DNAJC6: variants seen among roughly 807,000 people sequenced by gnomAD.
DNAJC6 encodes auxilin.
In DNAJC6, 34 loss-of-function variants were observed where a neutral mutation model predicts 110.0. That is an observed-to-expected ratio of 0.31 (90% CI 0.24 to 0.41). The LOEUF (loss-of-function observed/expected upper bound fraction) is 0.41, where lower values mean the gene tolerates loss of function less well. Among genes scored for constraint, DNAJC6 ranks in the 10% least tolerant of loss-of-function variants. DNAJC6 has a pLI of 1.00. For synonymous variants in DNAJC6, 406 were observed against 437.2 expected (o/e 0.93, Z 0.89); for missense variants, 1,031 against 1,207.8 (o/e 0.85, Z 2.17).
chr1:65,383,943 A>G (rs1174741084), intron 5 of DNAJC6: 3 of 343,958 alleles, frequency 8.7e-6, no homozygotes, highest in African/African-American at 2.1e-5. Flanking sequence ...TTCACCAAAT[A>G]TATACAAATC....
intron 4 of DNAJC6, 123 bp downstream of exon 4, chr1:65,366,319 C>G: frequency 9.8e-7 from 1 of 1,019,786 alleles, no homozygotes; most frequent in Non-Finnish European, 1.4e-6. Flanking sequence ...ACTCTGGACA[C>G]TTCTGTTCAC....
intron 12 of DNAJC6, among the ~76,000 whole-genome samples, chr1:65,393,843 GA>G (rs1197744261): frequency 6.6e-6 from 1 of 152,054 alleles, no homozygotes; most frequent in Non-Finnish European, 1.5e-5. Context: ...ATCCTTCCCA[GA>G]AGGCTCTGGG....
chr1:65,275,721 T>C (rs1423110946), intron 1 of DNAJC6, among the ~76,000 whole-genome samples: 1 of 151,874 alleles, frequency 6.6e-6, no homozygotes. Flanking sequence ...CCCTGTCCCA[T>C]ATATTCCTTC....
intron 11 of DNAJC6, 96 bp from the exon 12 acceptor site, chr1:65,392,335 C>T (rs1645935575): frequency 3.3e-6 from 4 of 1,211,070 alleles, no homozygotes; most frequent in Admixed American, 5.8e-5. Flanking sequence ...GGGCTGAATC[C>T]TTCTGTCTTT....
chr1:65,286,074 T>C (rs1654008107), intron 1 of DNAJC6, among the ~76,000 whole-genome samples: 1 of 152,224 alleles, frequency 6.6e-6, no homozygotes, highest in South Asian at 2.1e-4. Flanking sequence ...AACATATCCC[T>C]CTACCTCCCT....
chr1:65,338,120 G>C (rs1557529159), intron 1 of DNAJC6, among the ~76,000 whole-genome samples: 1 of 152,168 alleles, frequency 6.6e-6, no homozygotes, highest in Non-Finnish European at 1.5e-5. Context: ...GGTGCTCACT[G>C]CTCCTGAGCT....
intron 5 of DNAJC6, 200 bp downstream of exon 5, chr1:65,379,724 G>T (rs1256115867): frequency 1.5e-6 from 1 of 688,886 alleles, no homozygotes; most frequent in Non-Finnish European, 2.3e-6. Flanking sequence ...AGTGGGAAAG[G>T]CAGATGTATA....
chr1:65,306,998 CTCTCTCTCTCTCTCTCTCTCTATA>C (rs1189220868), upstream of DNAJC6, among the ~76,000 whole-genome samples: 11 of 122,844 alleles, frequency 9.0e-5, no homozygotes, highest in Admixed American at 2.5e-4. Flanking sequence ...CTCTCTCTCT[CTCTCTCTCTCTCTCTCTCTCTATA>C]TATATATATA....
chr1:65,379,056 A>T (rs1345661506), intron 4 of DNAJC6, among the ~76,000 whole-genome samples: 3 of 152,208 alleles, frequency 2.0e-5, no homozygotes, highest in Non-Finnish European at 4.4e-5. Flanking sequence ...CCTATAATTA[A>T]ACATTTGGGG....
intron 1 of DNAJC6, among the ~76,000 whole-genome samples, chr1:65,334,982 T>A (rs1036197499): frequency 1.3e-5 from 2 of 152,234 alleles, no homozygotes; most frequent in Admixed American, 1.3e-4. Context: ...CCTACCACCC[T>A]TTGGTAAACA....
chr1:65,360,001 C>A (rs1244515744), intron 1 of DNAJC6, among the ~76,000 whole-genome samples: 3 of 152,196 alleles, frequency 2.0e-5, no homozygotes, highest in Non-Finnish European at 4.4e-5. Context: ...CTGGATCTGG[C>A]CCATGGGATC....
At chr1:65,366,222 T>G (rs754497454) in intron 4 of DNAJC6, 26 bp downstream of exon 4, 2 of 1,612,204 alleles carry the variant, frequency 1.2e-6, no homozygotes. Flanking sequence ...CCTGAGATCA[T>G]ACTGTTGAAG....
At chr1:65,330,415 C>T (rs916070331) in intron 1 of DNAJC6, among the ~76,000 whole-genome samples, 1 of 152,146 alleles carries the variant, frequency 6.6e-6, no homozygotes, top group Non-Finnish European at 1.5e-5. Context: ...GCATATGTCA[C>T]AAAGGCCATC....
At chr1:65,307,006 CTCTCTCTCTCTCTA>C (rs1472951263), upstream of DNAJC6, among the ~76,000 whole-genome samples, 389 of 98,752 alleles carry the variant, frequency 3.9e-3, 1 homozygote, top group Middle Eastern at 9.4e-3. Flanking sequence ...CTCTCTCTCT[CTCTCTCTCTCTCTA>C]TATATATATA....
At chr1:65,273,917 T>G (rs907593943) in intron 1 of DNAJC6, among the ~76,000 whole-genome samples, 4 of 152,172 alleles carry the variant, frequency 2.6e-5, no homozygotes, top group Admixed American at 2.6e-4. Context: ...TATGTTGTAC[T>G]TAAAAGAATG....
intron 1 of DNAJC6, among the ~76,000 whole-genome samples, chr1:65,319,629 A>G (rs550061381): frequency 4.1e-4 from 62 of 150,756 alleles, no homozygotes; most frequent in Middle Eastern, 6.8e-3. Context: ...TGGAAAAAAT[A>G]AAAAAAACAA....
intron 1 of DNAJC6, among the ~76,000 whole-genome samples, chr1:65,287,687 G>A (rs949604365): frequency 2.0e-5 from 3 of 152,036 alleles, no homozygotes; most frequent in Admixed American, 6.6e-5. Flanking sequence ...CACTGCAGCC[G>A]TGACCTCCTG....
chr1:65,307,335 A>G (rs1645053867), upstream of DNAJC6, among the ~76,000 whole-genome samples: 1 of 152,076 alleles, frequency 6.6e-6, no homozygotes, highest in African/African-American at 2.4e-5. Context: ...TATTAAGTAT[A>G]AAGATAAAAT....
chr1:65,279,123 G>A lies in DNAJC6; in HGVS notation c.-131+14191G>A, dbSNP rs747756090. 4.8e-5 allele frequency: 47 copies of A among 985,378 alleles called. No homozygotes were observed. In the Middle Eastern group the frequency reaches 1.6e-3, roughly 33 times the overall value. The allele number at this position is 985,378 out of a possible 1,614,324, so 61.0% of individuals were successfully genotyped here. On this transcript the variant is annotated intron_variant, in intron 1 of 19. Transcript: ENST00000263441. The stretch of plus-strand genomic sequence containing the variant: ...AAATCTAACAAGAGCCCAGCACAAG[G>A]TATGTTTGATCCTCTTTTAAAGCCA...
Sources: allele counts gnomAD v4.1 joint callset (sites outside exome capture counted in the v4.1 genomes callset), GRCh38; gene constraint gnomAD v4.1.1; transcripts MANE v1.5; gene names NCBI Gene and HGNC (gene_info 2026-07-23, HGNC 2026-07-21).